The following FAM178B variants were observed in gnomAD, a reference collection of about 807,000 sequenced individuals.
FAM178B encodes family with sequence similarity 178 member B, also known as protein FAM178B.
FAM178B carries 82 observed loss-of-function variants against 91.7 expected under a neutral mutation model. The ratio of observed to expected loss-of-function variants is 0.89; its 90% CI spans 0.75 to 1.07. The LOEUF is 1.07. Among genes scored for constraint, FAM178B ranks in the 50% least tolerant of loss-of-function variants. The pLI is 0.00. For synonymous variants in FAM178B, 368 were observed against 359.4 expected (o/e 1.02, Z -0.27); for missense variants, 769 against 846.7 (o/e 0.91, Z 1.14).
chr2:96,916,861 C>T (rs1416400252), intron 12 of FAM178B, among the ~76,000 whole-genome samples: 1 of 152,162 alleles, frequency 6.6e-6, no homozygotes, highest in African/African-American at 2.4e-5. Context: ...GACAGCCCTT[C>T]GTACACCAAT....
At chr2:96,877,629 T>C (rs1180283719) in intron 16 of FAM178B, 1 of 453,426 alleles carries the variant, frequency 2.2e-6, no homozygotes, top group Non-Finnish European at 4.0e-6. Flanking sequence ...TCTCCTGACC[T>C]TGTGATCCGC....
At chr2:96,979,653 T>C (rs1019676331) in intron 1 of FAM178B, among the ~76,000 whole-genome samples, 3 of 152,204 alleles carry the variant, frequency 2.0e-5, no homozygotes, top group Non-Finnish European at 2.9e-5. Flanking sequence ...TACCCAGTAG[T>C]GGGATTGGTG....
chr2:96,900,357 C>A (rs1408976647), intron 13 of FAM178B, among the ~76,000 whole-genome samples: 1 of 151,984 alleles, frequency 6.6e-6, no homozygotes, highest in African/African-American at 2.4e-5. Flanking sequence ...AGCTGGGGCA[C>A]GTTCTCCCCA....
In FAM178B at chr2:96,951,427, G is replaced by A; in HGVS notation, c.945C>T (p.Tyr315=). The change falls in exon 7 of 17, where the codon TAC becomes TAT. Residue 315 remains tyrosine (Y), a synonymous_variant. Coordinates refer to ENST00000490605, the MANE Select transcript of FAM178B (RefSeq NM_001122646.3). ...ATACCGGGCAGTCAGGCATGTGCAG[G>A]TAGAGGATGTTCAGGAGGCCACTGC... ...FLRSGLLNIL[Y]LHMPDCPVSL... 1 of 1,551,672 alleles carries A rather than the reference G, an allele frequency of 6.4e-7. No homozygotes were observed. The highest frequency in any genetic ancestry group is 1.7e-4 in the Middle Eastern group (1 of 5,992).
chr2:96,884,509 C>G (rs187078304), intron 14 of FAM178B, among the ~76,000 whole-genome samples: 1 of 152,190 alleles, frequency 6.6e-6, no homozygotes, highest in Non-Finnish European at 1.5e-5. Flanking sequence ...GGCACAACAG[C>G]GATGAATCAT....
In FAM178B at chr2:96,960,212, C is replaced by T. The variant is rs2082059566; in HGVS notation, c.887+76G>A. ...TTCGAACTTCCCCCTTTGGGGTGGC[C>T]CTTATCCCTGGACTCCAGGAGGGAG... On this transcript the variant is annotated intron_variant, in intron 6 of 16. Transcript: ENST00000490605. 3 of 1,498,482 alleles carry T rather than the reference C, an allele frequency of 2.0e-6. No individual in the cohort carries two copies. In the South Asian group the frequency reaches 3.8e-5, roughly 19 times the overall value. 92.8% of individuals were successfully genotyped at this position (1,498,482 alleles called of 1,614,324 possible).
At position 96,908,238 on chromosome 2, in the gene FAM178B, G is replaced by A. The variant is rs546145948; in HGVS notation, c.1563-5531C>T. Among the ~76,000 whole-genome samples the A allele has an allele frequency of 2.5e-4, 38 of 152,302 alleles. No homozygotes were observed. The South Asian group carries it at 3.5e-3, about 14-fold the overall frequency. The stretch of plus-strand genomic sequence containing the variant: ...CGGGAATAGACGGCGGGACACAGTC[G>A]GCCACAGACCCAGACGAGTGGACCA... On this transcript the variant is annotated intron_variant, in intron 12 of 16. Coordinates refer to ENST00000490605, the MANE Select transcript of FAM178B (RefSeq NM_001122646.3).
chr2:96,904,717 TACAA>T (rs1473721685), intron 12 of FAM178B, among the ~76,000 whole-genome samples: 3 of 151,800 alleles, frequency 2.0e-5, no homozygotes, highest in African/African-American at 7.3e-5. Flanking sequence ...TTATATGAGG[TACAA>T]ACATGGGCAT....
chr2:96,918,865 C>T (rs2081285197), intron 12 of FAM178B, among the ~76,000 whole-genome samples: 1 of 152,182 alleles, frequency 6.6e-6, no homozygotes, highest in South Asian at 2.1e-4. Flanking sequence ...CCAGACATTA[C>T]ACGGGACAGC....
chr2:96,929,438 T>C, intron 8 of FAM178B, 118 bp from the exon 9 acceptor site: 1 of 705,994 alleles, frequency 1.4e-6, no homozygotes, highest in South Asian at 1.6e-5. Flanking sequence ...TTGCCTTCTC[T>C]GACACCACAG....
Position 96,876,385 on chromosome 2 carries a change from C to T in FAM178B, c.2008-77G>A, listed in dbSNP as rs78960893. 178 of 1,535,498 alleles carry T rather than the reference C, an allele frequency of 1.2e-4. 2 individuals are homozygous for T. In the East Asian group the frequency reaches 1.8e-3, roughly 16 times the overall value. ...ACTGCCCTGCAGCTCCCCGGGCTGG[C>T]GGTGTCCATTCAGCACCCATCGCAG... On this transcript the variant is annotated intron_variant, in intron 16 of 16. Transcript: ENST00000490605.
chr2:96,935,388 G>C (rs954501623), intron 8 of FAM178B, among the ~76,000 whole-genome samples: 1 of 152,118 alleles, frequency 6.6e-6, no homozygotes, highest in Non-Finnish European at 1.5e-5. Context: ...ACGGCTGGTA[G>C]AGGCCCAGCT....
intron 1 of FAM178B, among the ~76,000 whole-genome samples, chr2:96,975,096 A>G (rs112107572): frequency 6.9e-6 from 1 of 144,718 alleles, no homozygotes; most frequent in African/African-American, 2.6e-5. Flanking sequence ...CTCTGTCTCA[A>G]AAAAAAAAAA....
chr2:96,878,523 C>G (rs1424518619), intron 14 of FAM178B, 30 bp from the exon 15 acceptor site: 1 of 1,607,172 alleles, frequency 6.2e-7, no homozygotes. Flanking sequence ...AGAGCTGCTT[C>G]TCTAACTCCA....
intron 6 of FAM178B, among the ~76,000 whole-genome samples, chr2:96,959,199 G>GAAAAAAAAAA (rs57498168): frequency 1.2e-5 from 1 of 82,122 alleles, no homozygotes; most frequent in Admixed American, 1.5e-4. Context: ...ACTCAGTTTT[G>GAAAAAAAAAA]AAAAAAAAAA....
At chr2:96,887,851 G>A (rs2080567484) in intron 14 of FAM178B, among the ~76,000 whole-genome samples, 1 of 152,214 alleles carries the variant, frequency 6.6e-6, no homozygotes, top group South Asian at 2.1e-4. Flanking sequence ...AGGGTCTCCG[G>A]GAGGACTGGG....
chr2:96,959,503 C>T (rs1257869738), intron 6 of FAM178B, among the ~76,000 whole-genome samples: 1 of 152,188 alleles, frequency 6.6e-6, no homozygotes, highest in African/African-American at 2.4e-5. Flanking sequence ...AAGACTCTGG[C>T]ATTCAAGTCC....
chr2:96,876,233 C>A lies in FAM178B; in HGVS notation c.*43G>T. ...TCCAGTTCCCTGAGCCTGTTCACTT[C>A]CTGCTGAAGCCAGGAGCCCTGGGCT... On this transcript the variant is annotated 3_prime_UTR_variant, in exon 17 of 17. Transcript: ENST00000490605. 13 of 1,592,786 alleles carry A rather than the reference C, an allele frequency of 8.2e-6. No homozygotes were observed. Among genetic ancestry groups the A allele is most frequent in the Non-Finnish European group, 1.0e-5 (12 of 1,167,948 alleles).
chr2:96,953,521 C>T (rs1274860024), intron 6 of FAM178B, among the ~76,000 whole-genome samples: 2 of 152,186 alleles, frequency 1.3e-5, no homozygotes, highest in Non-Finnish European at 2.9e-5. Flanking sequence ...AGGGAGAGAC[C>T]CCACAGTTGC....
Sources: allele counts gnomAD v4.1 joint callset (sites outside exome capture counted in the v4.1 genomes callset), GRCh38; gene constraint gnomAD v4.1.1; transcripts MANE v1.5; gene names NCBI Gene and HGNC (gene_info 2026-07-23, HGNC 2026-07-21).